Variants in CACNA1B observed in about 807,000 individuals in gnomAD.
The protein encoded by CACNA1B is calcium voltage-gated channel subunit alpha1 B.
CACNA1B carries 70 observed loss-of-function variants against 247.2 expected under a neutral mutation model. The ratio of observed to expected loss-of-function variants is 0.28; its 90% confidence interval spans 0.23 to 0.35. The LOEUF is 0.35. CACNA1B is among the 10% of genes least tolerant of loss of function. The pLI is 1.00. For missense variants in CACNA1B, 2,367 were observed against 3,197.4 expected, an observed-to-expected ratio of 0.74 and a Z score of 6.26; for synonymous variants, 1,231 against 1,294.4, an observed-to-expected ratio of 0.95 and a Z score of 1.05.
intron 6 of CACNA1B, among the ~76,000 whole-genome samples, chr9:137,927,245 CTTTT>C (rs71387876): frequency 4.4e-5 from 6 of 136,428 alleles, no homozygotes; most frequent in Non-Finnish European, 1.6e-5. Flanking sequence ...CTTTCTTCTT[CTTTT>C]TTTTTTTTTT....
chr9:138,029,160 G>A (rs1049352005), intron 20 of CACNA1B, among the ~76,000 whole-genome samples: 1 of 152,160 alleles, frequency 6.6e-6, no homozygotes, highest in Non-Finnish European at 1.5e-5. Context: ...ATGTTTTCCA[G>A]AAGCATGGGC....
In CACNA1B at chr9:138,100,446, G is replaced by A. The variant is rs930399201; in HGVS notation, c.5223-2265G>A. Among the ~76,000 whole-genome samples the A allele has an allele frequency of 6.6e-6, 1 of 152,186 alleles. No individual in the cohort carries two copies. The highest frequency in any genetic ancestry group is 2.4e-5 in the African/African-American group (1 of 41,428). On this transcript the variant is annotated intron_variant, in intron 37 of 46. Transcript: ENST00000371372. This position sits in a 1 kb window ranked among gnomAD's most constrained non-coding sequence, Gnocchi z 4.6. ...TCTCACGTGTGTCCAGCCCCCCGTG[G>A]TGGTCCCTTGGCTGCCACAACCTTA... is the stretch of plus-strand genomic sequence containing the variant.
Position 138,059,622 on chromosome 9 carries a change from C to T in CACNA1B, c.4585-32C>T, listed in dbSNP as rs200225306. The T allele has an allele frequency of 2.2e-5, 28 of 1,290,560 alleles. No individual in the cohort carries two copies. The highest frequency in any genetic ancestry group is 4.6e-5 in the East Asian group (2 of 43,432). The allele number at this position is 1,290,560 out of a possible 1,614,324, so 79.9% of individuals were successfully genotyped here. A position where few individuals can be genotyped will look rare whatever the true frequency, so the allele number is the denominator to read the frequency against. On this transcript the variant is annotated intron_variant, in intron 30 of 46. Transcript: ENST00000371372. The surrounding 1 kb of genome is among the most constrained non-coding windows in gnomAD (Gnocchi z 4.2). ...CTTTGCCAACAGAGCCCTCATCAGC[C>T]GCTGGCACTAACTGCTCTTCTTTTT...
intron 23 of CACNA1B, 61 bp from the exon 24 acceptor site, chr9:138,049,148 C>T (rs1345565423): frequency 2.7e-6 from 3 of 1,116,628 alleles, no homozygotes; most frequent in East Asian, 2.3e-5. Context: ...AGCCTCTGCA[C>T]CTGGCCTCTG....
At chr9:138,013,046 G>T in intron 17 of CACNA1B, 83 bp from the exon 18 acceptor site, 1 of 1,003,058 alleles carries the variant, frequency 1.0e-6, no homozygotes, top group South Asian at 1.4e-5. Flanking sequence ...GCCCCTGGAG[G>T]AAGAGCTGAT....
At chr9:138,002,357 A>G (rs952095372) in intron 15 of CACNA1B, among the ~76,000 whole-genome samples, 5 of 152,202 alleles carry the variant, frequency 3.3e-5, no homozygotes, top group African/African-American at 1.2e-4. Context: ...ACAAAACTTC[A>G]GTTGGATTAG....
intron 32 of CACNA1B, among the ~76,000 whole-genome samples, chr9:138,070,084 C>T (rs1429835783): frequency 6.6e-6 from 1 of 152,204 alleles, no homozygotes; most frequent in African/African-American, 2.4e-5. Flanking sequence ...TTGGGACTGG[C>T]TCAGATTTGG....
chr9:138,002,051 A>G (rs1395261085), intron 15 of CACNA1B, among the ~76,000 whole-genome samples: 1 of 152,250 alleles, frequency 6.6e-6, no homozygotes, highest in Admixed American at 6.5e-5. Context: ...CATATTGATT[A>G]TATGGAAGAG....
At position 137,955,229 on chromosome 9, in the gene CACNA1B, G is replaced by T. The variant is rs920642218; in HGVS notation, c.1071-469G>T. ...TCTGTCCCTCCCACTTCCCACAGAG[G>T]CTTTGCATCTGAACCAACAGAGGAA... On this transcript the variant is annotated intron_variant, in intron 7 of 46. Coordinates refer to ENST00000371372, the MANE Select transcript of CACNA1B (RefSeq NM_000718.4). This position sits in a 1 kb window ranked among gnomAD's most constrained non-coding sequence, Gnocchi z 6.9. Among the ~76,000 whole-genome samples the T allele has an allele frequency of 6.6e-6, 1 of 152,176 alleles. No homozygotes were observed. Among genetic ancestry groups the T allele is most frequent in the African/African-American group, 2.4e-5 (1 of 41,438 alleles).
chr9:137,927,130 G>T (rs1331701674), intron 6 of CACNA1B, among the ~76,000 whole-genome samples: 8 of 152,022 alleles, frequency 5.3e-5, no homozygotes, highest in Non-Finnish European at 4.4e-5. Flanking sequence ...TGAAGCTTTT[G>T]ACCTATGTTT....
intron 31 of CACNA1B, among the ~76,000 whole-genome samples, chr9:138,062,314 A>G (rs898835469): frequency 9.9e-5 from 15 of 152,146 alleles, no homozygotes; most frequent in Non-Finnish European, 2.1e-4. Context: ...ATACCAAGCA[A>G]CCCATCCACA....
Position 138,076,561 on chromosome 9 carries a change from TCTC to T in CACNA1B, c.4949+654_4949+656del, listed in dbSNP as rs1960327315. Among the ~76,000 whole-genome samples the T allele has an allele frequency of 3.3e-5, 5 of 152,194 alleles. No homozygotes were observed. In the South Asian group the frequency reaches 1.0e-3, roughly 32 times the overall value. ...GCACAAGCTTCGGGGCCTTCTGAGATCTCCTGGTGGAGATGTGCCAGGAGAGGC... is the reference window on the plus strand; with the variant it reads ...GCACAAGCTTCGGGGCCTTCTGAGATCTGGTGGAGATGTGCCAGGAGAGGC... On this transcript the variant is annotated intron_variant, in intron 35 of 46. Transcript: ENST00000371372.
intron 15 of CACNA1B, among the ~76,000 whole-genome samples, chr9:138,000,828 A>G (rs1271449264): frequency 1.3e-5 from 2 of 152,324 alleles, no homozygotes; most frequent in East Asian, 3.9e-4. Flanking sequence ...ATCTCATGGC[A>G]TAAAGCTTCC....
intron 36 of CACNA1B, among the ~76,000 whole-genome samples, chr9:138,096,283 A>G (rs1282466295): frequency 6.6e-6 from 1 of 152,132 alleles, no homozygotes; most frequent in Non-Finnish European, 1.5e-5. Flanking sequence ...AGGGCAAGAC[A>G]CTAGCATGTG....
intron 12 of CACNA1B, among the ~76,000 whole-genome samples, chr9:137,980,752 G>A (rs946036822): frequency 3.9e-5 from 6 of 152,168 alleles, no homozygotes; most frequent in Admixed American, 2.0e-4. Flanking sequence ...TTGTGAGAAC[G>A]TGTGGTATTT....
At chr9:138,087,384 C>CAAAAAAAAAAAAAAAAAAAAAAAAAAAAA (rs58566171) in intron 36 of CACNA1B, among the ~76,000 whole-genome samples, 1 of 52,672 alleles carries the variant, frequency 1.9e-5, no homozygotes, top group Non-Finnish European at 3.9e-5. Flanking sequence ...GACTCTGTCT[C>CAAAAAAAAAAAAAAAAAAAAAAAAAAAAA]AAAAAAAAAA....
At chr9:138,037,552 A>G (rs942105580) in intron 20 of CACNA1B, among the ~76,000 whole-genome samples, 4 of 152,132 alleles carry the variant, frequency 2.6e-5, no homozygotes, top group Admixed American at 6.6e-5. Flanking sequence ...CCAGCTATTC[A>G]GGAGGCTGAG....
intron 6 of CACNA1B, among the ~76,000 whole-genome samples, chr9:137,926,845 A>G (rs964391992): frequency 1.3e-5 from 2 of 152,216 alleles, no homozygotes; most frequent in African/African-American, 2.4e-5. Context: ...TCTTCTTTGA[A>G]GAAATGTCTG....
In CACNA1B at chr9:137,951,000, C is replaced by G. The variant is rs145967358; in HGVS notation, c.967-1274C>G. On this transcript the variant is annotated intron_variant, in intron 6 of 46. Transcript: ENST00000371372. The surrounding 1 kb of genome is among the most constrained non-coding windows in gnomAD (Gnocchi z 4.8). ...AACACTCCACTGGGGAGGGAAATTG[C>G]GGGAGCCAAGTGCTTGAGCAGGTGA... 2.0e-5 allele frequency among the ~76,000 whole-genome samples: 3 copies of G among 152,154 alleles called. No homozygotes were observed. The highest frequency in any genetic ancestry group is 1.9e-4 in the East Asian group (1 of 5,196).
Sources: allele counts gnomAD v4.1 joint callset (sites outside exome capture counted in the v4.1 genomes callset), GRCh38; gene constraint gnomAD v4.1.1; non-coding constraint Gnocchi (gnomAD v3.1); transcripts MANE v1.5; gene names NCBI Gene and HGNC (gene_info 2026-07-23, HGNC 2026-07-21).